ANXA3: variants seen among roughly 807,000 people sequenced by gnomAD.
ANXA3 encodes the protein 35-alpha calcimedin.
ANXA3 carries 46 observed loss-of-function variants against 48.8 expected under a neutral mutation model. That is an observed-to-expected ratio of 0.94 (90% CI 0.74 to 1.21). The LOEUF (loss-of-function observed/expected upper bound fraction) is 1.21. Among genes scored for constraint, ANXA3 ranks in the 50% most tolerant of loss-of-function variants. The probability of loss-of-function intolerance (pLI) is 0.00; values close to 1 mark genes in which losing one functional copy is unlikely to be tolerated. For missense variants in ANXA3, 383 were observed against 378.6 expected (o/e 1.01, Z -0.10); for synonymous variants, 128 against 134.7 (o/e 0.95, Z 0.35).
chr4:78,595,820 A>T lies in ANXA3; in HGVS notation c.567A>T (p.Arg189Ser). The change falls in exon 9 of 13, where the codon AGA becomes AGT. Residue 189 changes from arginine to serine, a missense_variant. Arg to Ser is a moderately radical substitution (Grantham distance 110). Coordinates refer to ENST00000264908, the MANE Select transcript of ANXA3 (RefSeq NM_005139.3). Reference protein sequence around the residue: ...AQILYKAGENRWGTDEDKFTE... With the variant: ...AQILYKAGENSWGTDEDKFTE... ...TTCTCTATAAAGCTGGTGAGAACAG[A>T]TGGGGCACGGATGAAGACAAATTCA... 6.2e-7 allele frequency: 1 copy of T among 1,611,578 alleles called. No individual in the cohort carries two copies. Among genetic ancestry groups the T allele is most frequent in the Non-Finnish European group, 8.5e-7 (1 of 1,177,740 alleles).
chr4:78,570,266 A>G (rs1448319314), intron 2 of ANXA3, among the ~76,000 whole-genome samples: 1 of 152,158 alleles, frequency 6.6e-6, no homozygotes, highest in Non-Finnish European at 1.5e-5. Context: ...ATAAATTGGG[A>G]ATTTCCTCCT....
At chr4:78,574,402 A>G (rs1262635853) in intron 3 of ANXA3, among the ~76,000 whole-genome samples, 4 of 152,180 alleles carry the variant, frequency 2.6e-5, no homozygotes, top group African/African-American at 9.6e-5. Context: ...CCTCGATGAC[A>G]GAGTGAGAGT....
At chr4:78,561,214 T>C (rs996373148) in intron 2 of ANXA3, among the ~76,000 whole-genome samples, 1 of 152,118 alleles carries the variant, frequency 6.6e-6, no homozygotes, top group Non-Finnish European at 1.5e-5. Context: ...TGATCAAGTG[T>C]TCATGGTGAG....
chr4:78,609,747 A>C lies in ANXA3; in HGVS notation c.913-309A>C, dbSNP rs190365005. Among the ~76,000 whole-genome samples the C allele has an allele frequency of 5.6e-4, 85 of 152,318 alleles. 1 individual carries two copies. Among genetic ancestry groups the C allele is most frequent in the Admixed American group, 2.6e-3 (39 of 15,292 alleles). ...TGTTCGATAAATATTATTAAAACTAAAATTTGAAGTTTTTATAGAAATCAA... is the reference window on the plus strand; with the variant it reads ...TGTTCGATAAATATTATTAAAACTACAATTTGAAGTTTTTATAGAAATCAA... On this transcript the variant is annotated intron_variant, in intron 12 of 12. Transcript: ENST00000264908.
In ANXA3 at chr4:78,610,250, TAAC is replaced by T. The variant is rs142193609; in HGVS notation, c.*147_*149del. Reference sequence around the variant, plus strand: ...CCTAACAGGAATTTTCATTGTTCTATAACAACAACAACAAAAGCGATTATTATT... The same window carrying T: ...CCTAACAGGAATTTTCATTGTTCTATAACAACAACAAAAGCGATTATTATT... On this transcript the variant is annotated 3_prime_UTR_variant, in exon 13 of 13. Transcript: ENST00000264908. The T allele has an allele frequency of 0.01, 5,239 of 502,142 alleles. 220 individuals carry two copies. The highest frequency in any genetic ancestry group is 0.091 in the African/African-American group (4,705 of 51,712). 31.1% of individuals were successfully genotyped at this position (502,142 alleles called of 1,614,324 possible).
chr4:78,578,196 G>C (rs566218433), intron 3 of ANXA3, among the ~76,000 whole-genome samples: 2 of 151,648 alleles, frequency 1.3e-5, no homozygotes, highest in East Asian at 3.9e-4. Flanking sequence ...CAGGAGAATC[G>C]CTTGAACCCG....
chr4:78,609,744 C>T (rs1277957871), intron 12 of ANXA3, among the ~76,000 whole-genome samples: 1 of 152,090 alleles, frequency 6.6e-6, no homozygotes, highest in African/African-American at 2.4e-5. Flanking sequence ...ATTATTAAAA[C>T]TAAAATTTGA....
chr4:78,592,825 G>A (rs1723327142), intron 7 of ANXA3, among the ~76,000 whole-genome samples: 3 of 152,124 alleles, frequency 2.0e-5, no homozygotes, highest in Admixed American at 6.6e-5. Context: ...ATTATATTAA[G>A]ACCGATGATA....
chr4:78,607,016 G>C (rs1723663329), intron 12 of ANXA3, among the ~76,000 whole-genome samples: 2 of 152,184 alleles, frequency 1.3e-5, no homozygotes, highest in Non-Finnish European at 2.9e-5. Context: ...ATTTTCTAAA[G>C]ATTGTCAGTA....
At chr4:78,591,413 T>G (rs1436065994) in intron 6 of ANXA3, 131 bp from the exon 7 acceptor site, 7 of 629,602 alleles carry the variant, frequency 1.1e-5, no homozygotes, top group Middle Eastern at 3.1e-4. Context: ...CATGAAGAAA[T>G]TAAATAAAAG....
intron 4 of ANXA3, among the ~76,000 whole-genome samples, chr4:78,579,805 T>A (rs1417924898): frequency 6.6e-6 from 1 of 152,148 alleles, no homozygotes; most frequent in Non-Finnish European, 1.5e-5. Context: ...GGCACATGCC[T>A]GTAATCTCAG....
At chr4:78,571,025 T>A (rs909665550) in intron 2 of ANXA3, 10 of 152,196 alleles carry the variant, frequency 6.6e-5, no homozygotes, top group Non-Finnish European at 1.3e-4. Flanking sequence ...TTTCTTTTTT[T>A]TTGTGAGACA....
At chr4:78,607,826 G>A (rs1413545757) in intron 12 of ANXA3, among the ~76,000 whole-genome samples, 1 of 152,186 alleles carries the variant, frequency 6.6e-6, no homozygotes, top group East Asian at 1.9e-4. Flanking sequence ...ACAAGCATGT[G>A]TTGAGTGTCT....
chr4:78,596,732 A>G (rs1723431089), intron 9 of ANXA3, among the ~76,000 whole-genome samples: 1 of 152,176 alleles, frequency 6.6e-6, no homozygotes, highest in South Asian at 2.1e-4. Flanking sequence ...TCTCTCCAAA[A>G]TTTCTTTTTT....
At chr4:78,597,444 T>C in intron 10 of ANXA3, 30 bp downstream of exon 10, 1 of 1,425,662 alleles carries the variant, frequency 7.0e-7, no homozygotes, top group Non-Finnish European at 9.8e-7. Flanking sequence ...TAAACTAAGT[T>C]ACTTTGCACT....
At chr4:78,590,559 G>A (rs1476418420) in intron 6 of ANXA3, among the ~76,000 whole-genome samples, 1 of 152,128 alleles carries the variant, frequency 6.6e-6, no homozygotes, top group African/African-American at 2.4e-5. Context: ...ACAACAAAGG[G>A]TATAGTGGCT....
chr4:78,588,820 ATAGG>A (rs1369808390), intron 6 of ANXA3, among the ~76,000 whole-genome samples: 4 of 152,274 alleles, frequency 2.6e-5, no homozygotes, highest in Admixed American at 2.0e-4. Flanking sequence ...GTGGAACCTA[ATAGG>A]GAGCGGGTAC....
At chr4:78,553,806 A>G (rs1258039716) in intron 1 of ANXA3, 1 of 152,232 alleles carries the variant, frequency 6.6e-6, no homozygotes, top group Non-Finnish European at 1.5e-5. Flanking sequence ...TTTCTAAATC[A>G]ACCCTGGAGA....
intron 2 of ANXA3, among the ~76,000 whole-genome samples, chr4:78,560,612 A>C (rs1722608005): frequency 2.0e-5 from 3 of 152,188 alleles, no homozygotes; most frequent in Non-Finnish European, 4.4e-5. Context: ...CGAATGATTG[A>C]TTAAATTATT....
Sources: gnomAD v4.1 joint callset for allele counts (sites outside exome capture counted in the v4.1 genomes callset) on GRCh38, gnomAD v4.1.1 for gene constraint, MANE v1.5 for transcripts, NCBI Gene and HGNC (gene_info 2026-07-23, HGNC 2026-07-21) for gene names.